RAP1A: variants seen among roughly 807,000 people sequenced by gnomAD.
RAP1A encodes RAP1A, member of RAS oncogene family.
A neutral mutation model predicts 26.4 loss-of-function variants in RAP1A; 6 were observed. The observed-to-expected ratio is 0.23, with a 90% CI of 0.12 to 0.45. The LOEUF (loss-of-function observed/expected upper bound fraction) is 0.45. RAP1A is among the 20% of genes least tolerant of loss of function. RAP1A has a pLI of 0.99. For synonymous variants in RAP1A, 73 were observed against 79.4 expected (o/e 0.92, Z 0.43); for missense variants, 121 against 217.2 (o/e 0.56, Z 2.78).
At chr1:111,691,745 G>A (rs1661677809) in intron 2 of RAP1A, among the ~76,000 whole-genome samples, 1 of 152,156 alleles carries the variant, frequency 6.6e-6, no homozygotes, top group Admixed American at 6.5e-5. Flanking sequence ...GATTCTAGTG[G>A]GATAATTCCT....
At chr1:111,691,950 G>C (rs892679248) in intron 2 of RAP1A, among the ~76,000 whole-genome samples, 7 of 152,130 alleles carry the variant, frequency 4.6e-5, no homozygotes, top group African/African-American at 7.2e-5. Context: ...AGAACTACTT[G>C]GTTCTACTTG....
At chr1:111,655,429 G>C (rs909971973) in intron 1 of RAP1A, among the ~76,000 whole-genome samples, 1 of 151,756 alleles carries the variant, frequency 6.6e-6, no homozygotes, top group Non-Finnish European at 1.5e-5. Flanking sequence ...AAAAGAATAC[G>C]CATTCACAAA....
At chr1:111,691,517 A>G (rs916658492) in intron 2 of RAP1A, 100 bp downstream of exon 2, 1 of 1,027,354 alleles carries the variant, frequency 9.7e-7, no homozygotes, top group Non-Finnish European at 1.5e-6. Context: ...AAAAGGTGGC[A>G]TTATTATATA....
chr1:111,569,544 G>A (rs1658000940), intron 1 of RAP1A, among the ~76,000 whole-genome samples: 1 of 152,002 alleles, frequency 6.6e-6, no homozygotes, highest in Non-Finnish European at 1.5e-5. Context: ...GGCAAATCAA[G>A]TTCTGTCTCT....
chr1:111,707,254 G>A (rs1011196705), intron 6 of RAP1A, among the ~76,000 whole-genome samples: 2 of 151,978 alleles, frequency 1.3e-5, no homozygotes, highest in Non-Finnish European at 2.9e-5. Context: ...TAGTCTTGTA[G>A]TCTGGACCAT....
chr1:111,693,836 G>A (rs1353945387), intron 2 of RAP1A, among the ~76,000 whole-genome samples: 4 of 151,618 alleles, frequency 2.6e-5, no homozygotes, highest in Non-Finnish European at 5.9e-5. Context: ...CTCTGCCTTG[G>A]ACCATATTTT....
chr1:111,651,463 T>G (rs1660265973), intron 1 of RAP1A, among the ~76,000 whole-genome samples: 1 of 148,636 alleles, frequency 6.7e-6, no homozygotes, highest in Non-Finnish European at 1.5e-5. Context: ...CTATGGGAGA[T>G]ATATATATAA....
At chr1:111,609,702 C>T (rs1487792370) in intron 1 of RAP1A, among the ~76,000 whole-genome samples, 1 of 152,158 alleles carries the variant, frequency 6.6e-6, no homozygotes, top group Non-Finnish European at 1.5e-5. Flanking sequence ...GTGGCATGCT[C>T]TCGGCTCACT....
At chr1:111,677,817 CA>C (rs1661174366) in intron 1 of RAP1A, among the ~76,000 whole-genome samples, 1 of 152,112 alleles carries the variant, frequency 6.6e-6, no homozygotes, top group Non-Finnish European at 1.5e-5. Flanking sequence ...CTTGATTCAG[CA>C]TGGGAGGGAA....
chr1:111,592,418 A>G (rs1658487414), intron 1 of RAP1A, among the ~76,000 whole-genome samples: 1 of 152,228 alleles, frequency 6.6e-6, no homozygotes, highest in African/African-American at 2.4e-5. Context: ...TATTGTCCAC[A>G]GAGCAAATCT....
chr1:111,686,527 AAAAG>A (rs909789926), intron 1 of RAP1A: 5 of 151,268 alleles, frequency 3.3e-5, no homozygotes, highest in Non-Finnish European at 7.4e-5. Context: ...AAAAAAAAGA[AAAAG>A]AAAAAGAAAA....
chr1:111,546,621 A>C (rs878897902), intron 1 of RAP1A, among the ~76,000 whole-genome samples: 1 of 152,142 alleles, frequency 6.6e-6, no homozygotes, highest in Non-Finnish European at 1.5e-5. Context: ...TCAAGGCTGA[A>C]TATTATTCTA....
intron 1 of RAP1A, among the ~76,000 whole-genome samples, chr1:111,668,910 G>T (rs965846412): frequency 6.6e-6 from 1 of 151,580 alleles, no homozygotes; most frequent in African/African-American, 2.4e-5. Flanking sequence ...TGTGCCTGTA[G>T]TCCCAGCTAC....
chr1:111,705,431 T>C (rs969759344), intron 6 of RAP1A, among the ~76,000 whole-genome samples: 3 of 152,210 alleles, frequency 2.0e-5, no homozygotes, highest in Admixed American at 2.0e-4. Flanking sequence ...ATTATGCTTA[T>C]AGACTATTTG....
At chr1:111,634,345 A>G (rs1659660244) in intron 1 of RAP1A, among the ~76,000 whole-genome samples, 1 of 152,028 alleles carries the variant, frequency 6.6e-6, no homozygotes, top group African/African-American at 2.4e-5. Flanking sequence ...TGTCTGTGCT[A>G]TTTTTAAAAA....
chr1:111,593,959 G>A (rs1322620321), intron 1 of RAP1A, among the ~76,000 whole-genome samples: 1 of 152,166 alleles, frequency 6.6e-6, no homozygotes, highest in African/African-American at 2.4e-5. Flanking sequence ...TTGATCACAA[G>A]CTGTCTGGTT....
chr1:111,545,523 G>C (rs528419344), intron 1 of RAP1A, among the ~76,000 whole-genome samples: 1 of 152,056 alleles, frequency 6.6e-6, no homozygotes, highest in East Asian at 1.9e-4. Flanking sequence ...CTGGCTACTA[G>C]ACTATTATCA....
At position 111,559,538 on chromosome 1, in the gene RAP1A, C is replaced by T. The variant is rs12089593; in HGVS notation, c.-28+17029C>T. 2.4e-3 allele frequency among the ~76,000 whole-genome samples: 363 copies of T among 152,224 alleles called. 2 individuals are homozygous for T. The highest frequency in any genetic ancestry group is 6.8e-3 in the African/African-American group (283 of 41,542). On this transcript the variant is annotated intron_variant, in intron 1 of 7. Coordinates refer to the RAP1A transcript ENST00000356415. ...AGGTAAATCATTTTTTCTCACTTTG[C>T]CTCCTTTTTCTTATCTGGAAAGGAG...
chr1:111,542,226 C>T (rs941754791), exon 1 of RAP1A: 1 of 603,738 alleles, frequency 1.7e-6, no homozygotes. Context: ...ACATCCTTCG[C>T]GTACTGACGG....
Sources: allele counts gnomAD v4.1 joint callset (sites outside exome capture counted in the v4.1 genomes callset), GRCh38; gene constraint gnomAD v4.1.1; transcripts MANE v1.5; gene names NCBI Gene and HGNC (gene_info 2026-07-23, HGNC 2026-07-21).